PLTP: variants seen among roughly 807,000 people sequenced by gnomAD.
PLTP encodes phospholipid transfer protein.
PLTP carries 43 observed loss-of-function variants against 54.1 expected under a neutral mutation model. That is an observed-to-expected ratio of 0.79 (90% CI 0.62 to 1.02). PLTP has a LOEUF of 1.02. Ranked by LOEUF, PLTP falls within the 50% of genes least tolerant of loss-of-function variation. PLTP has a pLI of 0.00. For missense variants in PLTP, 604 were observed against 645.9 expected (o/e 0.94, Z 0.70); for synonymous variants, 263 against 264.6 (o/e 0.99, Z 0.06).
rs2083288387 is a variant in PLTP at position 45,911,219 on chromosome 20, C to T, written c.133G>A (p.Glu45Lys). 6.2e-7 allele frequency: 1 copy of T among 1,614,066 alleles called. No individual in the cohort carries two copies. The highest frequency in any genetic ancestry group is 1.7e-5 in the Admixed American group (1 of 60,010). Residue 45 changes from glutamate to lysine, a missense_variant, in exon 3 of 16, where the codon GAG becomes AAG. By Grantham distance (56) the Glu-to-Lys change is moderately conservative. Coordinates refer to ENST00000372431, the MANE Select transcript of PLTP (RefSeq NM_006227.4). ...TCCGGAATGGTGATAGTCTCCAGCT[C>T]TTGCTCCAGAAAGCGCAGCCCCTCC... ...KQEGLRFLEQ[E>K]LETITIPDLR...
At chr20:45,899,208 G>A (rs1427592093) in intron 15 of PLTP, 145 bp from the exon 16 acceptor site, 4 of 1,241,700 alleles carry the variant, frequency 3.2e-6, no homozygotes, top group Admixed American at 3.8e-5. Context: ...CTGTAGGAGT[G>A]TAGACTATGG....
At position 45,907,735 on chromosome 20, in the gene PLTP, G is replaced by A. The variant is rs755507721; in HGVS notation, c.570C>T (p.His190=). ...LNQQICPVLY[H]AGTVLLNSLL... ...GGGAGTTGAGCAGGACCGTCCCTGCGTGGTAGAGGACAGGGCAGATCTGCG... is the reference window on the plus strand; with the variant it reads ...GGGAGTTGAGCAGGACCGTCCCTGCATGGTAGAGGACAGGGCAGATCTGCG... The change falls in exon 7 of 16, where the codon CAC becomes CAT. Residue 190 remains histidine (H), a synonymous_variant. Transcript: ENST00000372431. 6.8e-6 allele frequency: 11 copies of A among 1,613,716 alleles called. No homozygotes were observed. The highest frequency in any genetic ancestry group is 4.0e-5 in the African/African-American group (3 of 74,908).
At position 45,909,636 on chromosome 20, in the gene PLTP, C is replaced by T. The variant is rs547029540; in HGVS notation, c.365G>A (p.Gly122Asp). Residue 122 changes from glycine (G) to aspartate (D), a missense_variant, in exon 5 of 16, where the codon GGT (glycine) becomes GAT (aspartate). Coordinates refer to ENST00000372431, the MANE Select transcript of PLTP (RefSeq NM_006227.4). ...DGGYINASAE[G>D]VSIRTGLELS... ...CTCCAGACCAGTGCGGATGGACACA[C>T]CCTCAGCTGAGGCGTTGATGTAGCC... The T allele has an allele frequency of 1.6e-5, 26 of 1,614,138 alleles. No individual in the cohort carries two copies. The Middle Eastern group carries it at 4.9e-4, about 31-fold the overall frequency.
chr20:45,899,812 G>GGCCCCCCCCCCCCCC, intron 13 of PLTP, 24 bp downstream of exon 13: 2 of 309,340 alleles, frequency 6.5e-6, no homozygotes, highest in Non-Finnish European at 1.2e-5. Flanking sequence ...ACCCAGCCCA[G>GGCCCCCCCCCCCCCC]CCCACCCACC....
intron 3 of PLTP, among the ~76,000 whole-genome samples, chr20:45,910,508 G>A (rs979207330): frequency 6.6e-6 from 1 of 151,796 alleles, no homozygotes; most frequent in Admixed American, 6.6e-5. Flanking sequence ...CTAGCTACTC[G>A]GGAGGCTGAG....
intron 3 of PLTP, 126 bp downstream of exon 3, chr20:45,911,025 TG>T (rs1324332414): frequency 1.2e-5 from 19 of 1,599,218 alleles, no homozygotes; most frequent in South Asian, 2.2e-5. Flanking sequence ...TCTTAAGTCT[TG>T]CCTCATCGAT....
At chr20:45,911,541 C>A (rs780227386) in intron 1 of PLTP, 78 bp from the exon 2 acceptor site, 1 of 1,575,790 alleles carries the variant, frequency 6.3e-7, no homozygotes, top group Non-Finnish European at 8.6e-7. Context: ...TAAGTGGGAA[C>A]TAGCCTGGAT....
chr20:45,903,629 C>CTGTA (rs1386555089), intron 10 of PLTP, among the ~76,000 whole-genome samples: 2 of 152,200 alleles, frequency 1.3e-5, no homozygotes, highest in East Asian at 3.9e-4. Flanking sequence ...ATTCTAAACA[C>CTGTA]TGTATATGTG....
intron 1 of PLTP, 177 bp downstream of exon 1, chr20:45,911,902 C>T (rs548406228): frequency 4.1e-4 from 98 of 237,658 alleles, no homozygotes; most frequent in African/African-American, 2.2e-3. Context: ...GCCGACCAGA[C>T]CGTGGGCTCC....
In PLTP at chr20:45,909,922, T is replaced by G. The variant is rs780844875; in HGVS notation, c.329+20A>C. On this transcript the variant is annotated intron_variant, in intron 4 of 15. Transcript: ENST00000372431. ...CCTCCTGACCCACTCTCCACTCCCCTGAGGGTGCTGGGTCCTTACAAGAAC... is the reference window on the plus strand; with the variant it reads ...CCTCCTGACCCACTCTCCACTCCCCGGAGGGTGCTGGGTCCTTACAAGAAC... 1.7e-5 allele frequency: 28 copies of G among 1,613,636 alleles called. No individual in the cohort carries two copies. In the Admixed American group the frequency reaches 4.3e-4, roughly 25 times the overall value.
In PLTP at chr20:45,909,679, G is replaced by C. The variant is rs956378282; in HGVS notation, c.330-8C>G. Reference sequence around the variant, plus strand: ...ATGTAGCCCCCATCATAGCTGCCAGGGGGGTTAATATTCACTCCAGGTAGG... The same window carrying C: ...ATGTAGCCCCCATCATAGCTGCCAGCGGGGTTAATATTCACTCCAGGTAGG... On this transcript the variant is annotated splice_polypyrimidine_tract_variant and splice_region_variant and intron_variant, in intron 4 of 15. Transcript: ENST00000372431. 3 of 1,614,078 alleles carry C rather than the reference G, an allele frequency of 1.9e-6. No individual in the cohort carries two copies. The highest frequency in any genetic ancestry group is 2.7e-5 in the African/African-American group (2 of 75,060).
rs369121926 is a variant in PLTP, at chr20:45,902,436, G to A, written c.1107+4C>T. On this transcript the variant is annotated splice_donor_region_variant and intron_variant, in intron 11 of 15. Transcript: ENST00000372431. ...GCCAGCAGCCCCCACTCTGGGACCC[G>A]TACCATAGTCATGCTGGACAGCTGG... 59 of 1,614,068 alleles carry A rather than the reference G, an allele frequency of 3.7e-5. No individual in the cohort carries two copies. The highest frequency in any genetic ancestry group is 9.9e-5 in the South Asian group (9 of 91,088).
rs759445730 is a variant in PLTP, at chr20:45,911,146, A to C, written c.200+6T>G. On this transcript the variant is annotated splice_donor_region_variant and intron_variant, in intron 3 of 15. Transcript: ENST00000372431. ...CCCGGATCGCGAGGCCCCGCCCCCC[A>C]CTTACTCAGAGATGTTGTAGTAGAA... 1 of 1,608,118 alleles carries C rather than the reference A, an allele frequency of 6.2e-7. No homozygotes were observed. Among genetic ancestry groups the C allele is most frequent in the Non-Finnish European group, 8.5e-7 (1 of 1,176,394 alleles).
rs370746057 is a variant in PLTP, at chr20:45,909,688, T to A, written c.330-17A>T. ...CCATCATAGCTGCCAGGGGGGTTAATATTCACTCCAGGTAGGAGCTCAATT... is the reference window on the plus strand; with the variant it reads ...CCATCATAGCTGCCAGGGGGGTTAAAATTCACTCCAGGTAGGAGCTCAATT... On this transcript the variant is annotated splice_polypyrimidine_tract_variant and intron_variant, in intron 4 of 15. Transcript: ENST00000372431. 3.1e-6 allele frequency: 5 copies of A among 1,613,970 alleles called. No individual in the cohort carries two copies. Among genetic ancestry groups the A allele is most frequent in the Non-Finnish European group, 4.2e-6 (5 of 1,179,934 alleles).
Position 45,902,438 on chromosome 20 carries a change from A to AC in PLTP, c.1107+1dup, listed in dbSNP as rs2083195798. 1 of 1,614,072 alleles carries AC rather than the reference A, an allele frequency of 6.2e-7. No individual in the cohort carries two copies. The highest frequency in any genetic ancestry group is 1.1e-5 in the South Asian group (1 of 91,092). ...CAGCAGCCCCCACTCTGGGACCCGT[A>AC]CCATAGTCATGCTGGACAGCTGGAC... On this transcript the variant is annotated splice_donor_variant, in intron 11 of 15. Coordinates refer to ENST00000372431, the MANE Select transcript of PLTP (RefSeq NM_006227.4). LOFTEE classifies it high-confidence loss of function.
At chr20:45,903,095 G>T (rs2083202718) in intron 10 of PLTP, among the ~76,000 whole-genome samples, 1 of 152,220 alleles carries the variant, frequency 6.6e-6, no homozygotes, top group South Asian at 2.1e-4. Context: ...TAGAAACGGG[G>T]TTTCGCCATA....
intron 7 of PLTP, among the ~76,000 whole-genome samples, chr20:45,907,251 C>T (rs1448788447): frequency 2.0e-5 from 3 of 150,164 alleles, no homozygotes; most frequent in East Asian, 4.0e-4. Context: ...TGCTTGAACC[C>T]GGGAGGTGGA....
Position 45,904,839 on chromosome 20 carries a change from C to T in PLTP, c.903G>A (p.Met301Ile). The T allele has an allele frequency of 1.2e-6, 2 of 1,614,230 alleles. No individual in the cohort carries two copies. Among genetic ancestry groups the T allele is most frequent in the Non-Finnish European group, 1.7e-6 (2 of 1,180,054 alleles). The change falls in exon 10 of 16, where the codon ATG becomes ATA. Residue 301 changes from methionine to isoleucine, a missense_variant. Physicochemically the swap from Met to Ile is conservative, Grantham distance 10. Coordinates refer to ENST00000372431, the MANE Select transcript of PLTP (RefSeq NM_006227.4). ...TCCCAAAGTAGGTGGCCCTCAGCAGCATGTCCAGGTCGTGGGGCACCTGAA... is the reference window on the plus strand; with the variant it reads ...TCCCAAAGTAGGTGGCCCTCAGCAGTATGTCCAGGTCGTGGGGCACCTGAA... ...VGDKVPHDLD[M>I]LLRATYFGSI...
intron 7 of PLTP, among the ~76,000 whole-genome samples, chr20:45,906,907 A>AG (rs1445076659): frequency 8.1e-6 from 1 of 122,972 alleles, no homozygotes; most frequent in African/African-American, 2.6e-5. Context: ...AAAAAAAAAA[A>AG]AAAAAGATGG....
Sources: gnomAD v4.1 joint callset for allele counts (sites outside exome capture counted in the v4.1 genomes callset) on GRCh38, gnomAD v4.1.1 for gene constraint, MANE v1.5 for transcripts, NCBI Gene and HGNC (gene_info 2026-07-23, HGNC 2026-07-21) for gene names.